CSMD1: variants seen among roughly 807,000 people sequenced by gnomAD.
CSMD1 encodes CUB and Sushi multiple domains 1.
Under a neutral mutation model 417.5 loss-of-function variants are expected in CSMD1, and 213 were observed. That is an observed-to-expected ratio of 0.51 (90% CI 0.46 to 0.57). CSMD1 has a LOEUF of 0.57. Ranked by LOEUF, CSMD1 falls within the 20% of genes least tolerant of loss-of-function variation. The pLI is 0.00. For synonymous variants in CSMD1, 2,862 were observed against 1,736.8 expected (o/e 1.65, Z -16.11); for missense variants, 6,923 against 4,529.7 (o/e 1.53, Z -15.17).
chr8:3,664,578 G>C (rs527710298), intron 7 of CSMD1, among the ~76,000 whole-genome samples: 110 of 152,352 alleles, frequency 7.2e-4, no homozygotes, highest in Admixed American at 1.9e-3. Context: ...CAAAGAGACT[G>C]AGGAGTTTTC....
rs898517754 is a variant in CSMD1, at chr8:4,295,684, A to G, written c.415+124269T>C. ...CTTAAGATTACATATGTTATATTAT[A>G]CATGTTATATATGTTATATATTGTG... On this transcript the variant is annotated intron_variant, in intron 3 of 69. Transcript: ENST00000635120. 1.9e-4 allele frequency among the ~76,000 whole-genome samples: 27 copies of G among 142,072 alleles called. 1 individual carries two copies. Among genetic ancestry groups the G allele is most frequent in the South Asian group, 1.5e-3 (7 of 4,632 alleles). 93.2% of individuals were successfully genotyped at this position (142,072 alleles called of 152,430 possible).
chr8:3,307,902 CATTATGTCTGCATTATAT>C, intron 24 of CSMD1, 81 bp from the exon 25 acceptor site: 1 of 1,476,020 alleles, frequency 6.8e-7, no homozygotes, highest in African/African-American at 1.4e-5. Flanking sequence ...AAACCAAAGC[CATTATGTCTGCATTATAT>C]ACATAGAGAA....
At chr8:4,708,958 G>C (rs1314542794) in intron 1 of CSMD1, among the ~76,000 whole-genome samples, 1 of 152,144 alleles carries the variant, frequency 6.6e-6, no homozygotes, top group Admixed American at 6.6e-5. Context: ...CCTCAGAAAA[G>C]AGCAATCCTG....
chr8:4,712,705 T>G (rs1808386613), intron 1 of CSMD1, among the ~76,000 whole-genome samples: 1 of 152,150 alleles, frequency 6.6e-6, no homozygotes, highest in Admixed American at 6.5e-5. Context: ...TGACGGTGTG[T>G]TTTTTTCTCT....
intron 1 of CSMD1, among the ~76,000 whole-genome samples, chr8:4,668,138 G>C (rs1805056387): frequency 6.6e-6 from 1 of 152,104 alleles, no homozygotes; most frequent in Non-Finnish European, 1.5e-5. Context: ...CAAACTCAAT[G>C]AGTTTTCTGA....
At chr8:4,491,027 C>T (rs1418060250) in intron 2 of CSMD1, among the ~76,000 whole-genome samples, 1 of 152,082 alleles carries the variant, frequency 6.6e-6, no homozygotes, top group African/African-American at 2.4e-5. Flanking sequence ...ATGTAGGCAG[C>T]TCCTATGGTA....
chr8:4,791,762 T>G (rs1221370848), intron 1 of CSMD1, among the ~76,000 whole-genome samples: 3 of 152,196 alleles, frequency 2.0e-5, no homozygotes, highest in Admixed American at 6.5e-5. Context: ...TTCATTAGCA[T>G]CGTGTGCTAA....
At chr8:3,528,563 G>A (rs1422667777) in intron 10 of CSMD1, among the ~76,000 whole-genome samples, 3 of 152,124 alleles carry the variant, frequency 2.0e-5, no homozygotes, top group Non-Finnish European at 4.4e-5. Context: ...CAAACAAAGT[G>A]TTTTGGTTCA....
At chr8:4,151,997 G>T (rs528274227) in intron 3 of CSMD1, among the ~76,000 whole-genome samples, 1 of 152,048 alleles carries the variant, frequency 6.6e-6, no homozygotes, top group East Asian at 1.9e-4. Context: ...TTTGCTAGGG[G>T]GTCATTTTAA....
rs1490978226 is a variant in CSMD1 at position 4,743,612 on chromosome 8, A to G, written c.86-106054T>C. Among the ~76,000 whole-genome samples the G allele has an allele frequency of 2.6e-5, 4 of 152,190 alleles. No homozygotes were observed. In the South Asian group the frequency reaches 8.3e-4, roughly 32 times the overall value. On this transcript the variant is annotated intron_variant, in intron 1 of 69. Transcript: ENST00000635120. ...GTCATTCCCTGGATAGTCAAACGCT[A>G]TTCAAATTTTACAAGTTGCTTTTCC...
At chr8:4,772,981 A>C (rs9657401) in intron 1 of CSMD1, among the ~76,000 whole-genome samples, 1 of 152,034 alleles carries the variant, frequency 6.6e-6, no homozygotes, top group East Asian at 1.9e-4. Flanking sequence ...AGATACATGG[A>C]TGAGTATGAC....
chr8:3,192,929 G>C (rs1040064143), intron 33 of CSMD1, among the ~76,000 whole-genome samples: 3 of 121,788 alleles, frequency 2.5e-5, no homozygotes, highest in African/African-American at 5.4e-5. Context: ...GTTGAATAAT[G>C]GCATGAAGAA....
At chr8:3,632,028 T>C (rs570233349) in intron 7 of CSMD1, among the ~76,000 whole-genome samples, 3 of 152,362 alleles carry the variant, frequency 2.0e-5, no homozygotes, top group African/African-American at 7.2e-5. Flanking sequence ...AACTCATCAT[T>C]CAATCAGCAT....
At chr8:4,852,213 T>C (rs1311373201) in intron 1 of CSMD1, among the ~76,000 whole-genome samples, 1 of 152,192 alleles carries the variant, frequency 6.6e-6, no homozygotes, top group East Asian at 1.9e-4. Context: ...GGTTTGGATA[T>C]TTGTTGCCTC....
intron 20 of CSMD1, among the ~76,000 whole-genome samples, chr8:3,364,218 C>T (rs922926306): frequency 1.3e-5 from 2 of 151,900 alleles, no homozygotes; most frequent in African/African-American, 4.8e-5. Context: ...AGTTTCTAGG[C>T]AAAAATCCTA....
intron 7 of CSMD1, among the ~76,000 whole-genome samples, chr8:3,638,788 T>C (rs551844038): frequency 1.3e-5 from 2 of 152,226 alleles, no homozygotes; most frequent in East Asian, 1.9e-4. Flanking sequence ...CCAGCATGCA[T>C]AGGTGACTCT....
At chr8:3,552,482 C>G (rs575403666) in intron 10 of CSMD1, among the ~76,000 whole-genome samples, 1 of 152,296 alleles carries the variant, frequency 6.6e-6, no homozygotes, top group South Asian at 2.1e-4. Flanking sequence ...CCTGTGATAA[C>G]TGCCTTTCTA....
chr8:3,498,217 G>C (rs1024866863), intron 10 of CSMD1, among the ~76,000 whole-genome samples: 1 of 151,934 alleles, frequency 6.6e-6, no homozygotes, highest in Non-Finnish European at 1.5e-5. Context: ...GTTTTGTCTT[G>C]CTGTTTTTAG....
At chr8:3,540,977 C>G (rs1798413351) in intron 10 of CSMD1, among the ~76,000 whole-genome samples, 1 of 152,176 alleles carries the variant, frequency 6.6e-6, no homozygotes, top group Non-Finnish European at 1.5e-5. Context: ...GTGGTGATTC[C>G]TCAAAGATCT....
Sources: gnomAD v4.1 joint callset for allele counts (sites outside exome capture counted in the v4.1 genomes callset) on GRCh38, gnomAD v4.1.1 for gene constraint, MANE v1.5 for transcripts, NCBI Gene and HGNC (gene_info 2026-07-23, HGNC 2026-07-21) for gene names.